Variants in CDC42SE2 observed in about 807,000 individuals in gnomAD.
CDC42SE2 encodes CDC42 small effector protein 2.
In CDC42SE2, 3 loss-of-function variants were observed where a neutral mutation model predicts 11.5. The ratio of observed to expected loss-of-function variants is 0.26; its 90% CI spans 0.12 to 0.67. The LOEUF is 0.67. CDC42SE2 is among the 30% of genes least tolerant of loss of function. The probability of loss-of-function intolerance (pLI) is 0.80; values close to 1 mark genes in which losing one functional copy is unlikely to be tolerated. For missense variants in CDC42SE2, 82 were observed against 106.8 expected (o/e 0.77, Z 1.02); for synonymous variants, 33 against 34.8 (o/e 0.95, Z 0.18).
At chr5:131,246,667 A>C (rs1208170891) in intron 1 of CDC42SE2, among the ~76,000 whole-genome samples, 1 of 151,736 alleles carries the variant, frequency 6.6e-6, no homozygotes, top group Non-Finnish European at 1.5e-5. Context: ...GTTCTTTTTC[A>C]GGGTGGGTGA....
intron 1 of CDC42SE2, among the ~76,000 whole-genome samples, chr5:131,275,885 A>G (rs1757090484): frequency 6.6e-6 from 1 of 152,028 alleles, no homozygotes; most frequent in African/African-American, 2.4e-5. Flanking sequence ...CTTTCAAAAA[A>G]AAAAGCGTAT....
intron 2 of CDC42SE2, among the ~76,000 whole-genome samples, chr5:131,256,381 T>C (rs1002897661): frequency 2.6e-5 from 4 of 152,178 alleles, no homozygotes; most frequent in Admixed American, 2.0e-4. Context: ...ACCTCAAAGA[T>C]AGTCTAGAGA....
intron 2 of CDC42SE2, among the ~76,000 whole-genome samples, chr5:131,337,948 TCACG>T (rs1758615585): frequency 6.6e-6 from 1 of 151,414 alleles, no homozygotes; most frequent in Non-Finnish European, 1.5e-5. Flanking sequence ...CTGCTTCCGC[TCACG>T]CACAGTGCGC....
At chr5:131,276,462 AT>A (rs887709278) in intron 1 of CDC42SE2, among the ~76,000 whole-genome samples, 14 of 151,938 alleles carry the variant, frequency 9.2e-5, no homozygotes, top group Non-Finnish European at 1.3e-4. Flanking sequence ...AAAAAAAAAA[AT>A]CTTTTAGATA....
chr5:131,364,722 T>C (rs539822914), intron 3 of CDC42SE2, among the ~76,000 whole-genome samples: 2 of 152,354 alleles, frequency 1.3e-5, no homozygotes, highest in Admixed American at 6.5e-5. Context: ...TGGAATATGC[T>C]CTGCAATAAG....
chr5:131,305,907 A>T (rs1347334864), intron 1 of CDC42SE2, among the ~76,000 whole-genome samples: 3 of 152,222 alleles, frequency 2.0e-5, no homozygotes, highest in Non-Finnish European at 2.9e-5. Flanking sequence ...TTAAGTTTTT[A>T]ATCCATTCTG....
chr5:131,269,779 G>A (rs1464288651), intron 1 of CDC42SE2, among the ~76,000 whole-genome samples: 2 of 151,318 alleles, frequency 1.3e-5, no homozygotes, highest in Non-Finnish European at 3.0e-5. Flanking sequence ...AAACAAAACA[G>A]GCAGGGTGCC....
intron 1 of CDC42SE2, among the ~76,000 whole-genome samples, chr5:131,273,739 C>T (rs1025480616): frequency 6.6e-6 from 1 of 150,572 alleles, no homozygotes; most frequent in Admixed American, 6.6e-5. Flanking sequence ...CACCACTGCA[C>T]TCCAGCCTGG....
At chr5:131,348,336 T>C (rs1205728932) in intron 2 of CDC42SE2, among the ~76,000 whole-genome samples, 2 of 152,162 alleles carry the variant, frequency 1.3e-5, no homozygotes, top group East Asian at 3.8e-4. Flanking sequence ...TCACAAGCAT[T>C]CTTATACATC....
chr5:131,255,890 C>G (rs1561562332), intron 2 of CDC42SE2, among the ~76,000 whole-genome samples: 1 of 152,126 alleles, frequency 6.6e-6, no homozygotes. Context: ...CTTGCCAAAT[C>G]TTATTAGGTA....
chr5:131,335,938 C>G (rs372165034), intron 2 of CDC42SE2, among the ~76,000 whole-genome samples: 1 of 151,164 alleles, frequency 6.6e-6, no homozygotes, highest in Non-Finnish European at 1.5e-5. Flanking sequence ...CCAGTCTGTG[C>G]CTTTTAATTG....
intron 1 of CDC42SE2, among the ~76,000 whole-genome samples, chr5:131,247,390 G>T (rs6886771): frequency 6.6e-6 from 1 of 152,030 alleles, no homozygotes; most frequent in African/African-American, 2.4e-5. Flanking sequence ...AGGCCGAGGC[G>T]AGTGGATCAC....
At chr5:131,240,991 T>G (rs1403380092), upstream of CDC42SE2, among the ~76,000 whole-genome samples, 1 of 135,840 alleles carries the variant, frequency 7.4e-6, no homozygotes, top group African/African-American at 3.2e-5. Context: ...TTTGTTTTTG[T>G]TTTTTGAGAC....
upstream of CDC42SE2, among the ~76,000 whole-genome samples, chr5:131,240,923 T>C (rs1756535281): frequency 6.6e-6 from 1 of 152,192 alleles, no homozygotes; most frequent in Admixed American, 6.6e-5. Flanking sequence ...TTTAGTTTCC[T>C]GAATTTCCTT....
At chr5:131,241,672 C>G (rs1403495603), upstream of CDC42SE2, among the ~76,000 whole-genome samples, 1 of 152,090 alleles carries the variant, frequency 6.6e-6, no homozygotes, top group Non-Finnish European at 1.5e-5. Context: ...ACCTCCCAGA[C>G]TTTCTTCCAT....
the CDC42SE2 span, among the ~76,000 whole-genome samples, chr5:131,232,072 G>A: frequency 6.6e-6 from 1 of 151,650 alleles, no homozygotes; most frequent in Admixed American, 6.6e-5. Context: ...TTGCAGGTGT[G>A]AGCCACCACG....
At chr5:131,376,333 C>T (rs1358327276) in intron 3 of CDC42SE2, among the ~76,000 whole-genome samples, 1 of 152,004 alleles carries the variant, frequency 6.6e-6, no homozygotes, top group East Asian at 1.9e-4. Context: ...GAGAGTTTGC[C>T]AGAGGATCCC....
At chr5:131,229,395 A>T in the CDC42SE2 span, among the ~76,000 whole-genome samples, 3 of 151,990 alleles carry the variant, frequency 2.0e-5, no homozygotes, top group South Asian at 6.2e-4. Flanking sequence ...TTAATTTACT[A>T]TGTAATTTTA....
chr5:131,220,772 G>T, the CDC42SE2 span, among the ~76,000 whole-genome samples: 1 of 151,996 alleles, frequency 6.6e-6, no homozygotes, highest in Non-Finnish European at 1.5e-5. Flanking sequence ...CTAGAGCACA[G>T]TTCAGTAGAA....
Sources: gnomAD v4.1 joint callset for allele counts (sites outside exome capture counted in the v4.1 genomes callset) on GRCh38, gnomAD v4.1.1 for gene constraint, MANE v1.5 for transcripts, NCBI Gene and HGNC (gene_info 2026-07-23, HGNC 2026-07-21) for gene names.